MED12L: variants seen among roughly 807,000 people sequenced by gnomAD.
MED12L encodes the protein mediator of RNA polymerase II transcription subunit 12-like protein.
A neutral mutation model predicts 281.3 loss-of-function variants in MED12L; 60 were observed. The ratio of observed to expected loss-of-function variants is 0.21; its 90% CI spans 0.17 to 0.26. MED12L has a LOEUF of 0.26. Among genes scored for constraint, MED12L ranks in the 10% least tolerant of loss-of-function variants. MED12L has a pLI of 1.00. For synonymous variants in MED12L, 974 were observed against 987.2 expected, an observed-to-expected ratio of 0.99 and a Z score of 0.25; for missense variants, 2,146 against 2,680.9, an observed-to-expected ratio of 0.80 and a Z score of 4.41.
Position 151,432,775 on chromosome 3 carries a change from A to G in MED12L, c.6514A>G (p.Thr2172Ala). Residue 2172 changes from threonine (T) to alanine (A), a missense_variant, in exon 45 of 45, where the codon ACT becomes GCT. Physicochemically the swap from Thr to Ala is moderately conservative, Grantham distance 58. Coordinates refer to ENST00000687756, the MANE Select transcript of MED12L (RefSeq NM_001393769.1). ...LSSNQPQQGV[T>A]PYGHPSHF ...AGGCAACCAGCCACAGCAAGGAGTG[A>G]CTCCGTATGGGCATCCTTCACACTT... 6.2e-7 allele frequency: 1 copy of G among 1,613,062 alleles called. No homozygotes were observed. The highest frequency in any genetic ancestry group is 8.5e-7 in the Non-Finnish European group (1 of 1,179,478).
At chr3:151,334,058 C>G (rs2149897496) in intron 16 of MED12L, among the ~76,000 whole-genome samples, 1 of 151,014 alleles carries the variant, frequency 6.6e-6, no homozygotes, top group East Asian at 1.9e-4. Flanking sequence ...GCCTGGGTGA[C>G]AGAACAAGAC....
At chr3:151,163,463 A>G (rs1372233080) in intron 8 of MED12L, among the ~76,000 whole-genome samples, 2 of 152,006 alleles carry the variant, frequency 1.3e-5, no homozygotes, top group Non-Finnish European at 1.5e-5. Flanking sequence ...TTATGAAGCT[A>G]CTATTACATG....
intron 21 of MED12L, among the ~76,000 whole-genome samples, chr3:151,363,641 G>T (rs1178537641): frequency 1.1e-4 from 16 of 152,182 alleles, no homozygotes; most frequent in African/African-American, 3.6e-4. Context: ...TGTCTACACA[G>T]AAAGAGAGTG....
chr3:151,192,245 G>T (rs1312864288), intron 14 of MED12L, among the ~76,000 whole-genome samples: 1 of 152,196 alleles, frequency 6.6e-6, no homozygotes, highest in African/African-American at 2.4e-5. Context: ...AATAAGAAGA[G>T]TTGGTTAAAG....
At chr3:151,271,404 G>A (rs912259579) in intron 16 of MED12L, among the ~76,000 whole-genome samples, 1 of 152,156 alleles carries the variant, frequency 6.6e-6, no homozygotes, top group Non-Finnish European at 1.5e-5. Context: ...TATATTTTTG[G>A]TTATAGTGTA....
At chr3:151,347,343 A>G (rs1752664472) in intron 16 of MED12L, among the ~76,000 whole-genome samples, 1 of 152,212 alleles carries the variant, frequency 6.6e-6, no homozygotes, top group South Asian at 2.1e-4. Flanking sequence ...ATGCTAATTC[A>G]TTGCCTATTA....
chr3:151,328,748 T>C (rs1749995043), intron 16 of MED12L: 3 of 1,613,646 alleles, frequency 1.9e-6, no homozygotes, highest in East Asian at 4.5e-5. Flanking sequence ...CAGGTGTGAG[T>C]CAGAGAGGAT....
Position 151,365,187 on chromosome 3 carries a change from G to A in MED12L, c.3166G>A (p.Gly1056Ser). 1 of 1,613,832 alleles carries A rather than the reference G, an allele frequency of 6.2e-7. No homozygotes were observed. Among genetic ancestry groups the A allele is most frequent in the Non-Finnish European group, 8.5e-7 (1 of 1,179,810 alleles). The change falls in exon 22 of 45, where the codon GGC becomes AGC. Residue 1056 changes from glycine (G) to serine (S), a missense_variant. Coordinates refer to ENST00000687756, the MANE Select transcript of MED12L (RefSeq NM_001393769.1). Reference sequence around the variant, plus strand: ...CAATACACTCATGAATGTATGTATGGGCCATCAGGATGCTGGCAGGTGAGA... The same window carrying A: ...CAATACACTCATGAATGTATGTATGAGCCATCAGGATGCTGGCAGGTGAGA... ...VCNTLMNVCMGHQDAGRINDI... is the reference protein window; with the variant it reads ...VCNTLMNVCMSHQDAGRINDI...
Position 151,387,988 on chromosome 3 carries a change from G to A in MED12L, c.5267G>A (p.Arg1756His), listed in dbSNP as rs375229306. The A allele has an allele frequency of 1.7e-5, 27 of 1,613,942 alleles. No individual in the cohort carries two copies. The highest frequency in any genetic ancestry group is 8.8e-5 in the South Asian group (8 of 91,076). ...CACACACACCCCATGCCCAAGCCCC[G>A]CAGTTACTACCTCCAGCCACTGCCC... ...LYHTHPMPKPRSYYLQPLPLP... is the reference protein window; with the variant it reads ...LYHTHPMPKPHSYYLQPLPLP... Residue 1756 changes from arginine to histidine, a missense_variant, in exon 37 of 45, where the codon CGC becomes CAC. By Grantham distance (29) the Arg-to-His change is conservative. Around this residue, in one of 9 missense-constraint regions of MED12L, gnomAD observed 496 missense variants for 512.0 expected, o/e 0.97. Coordinates refer to ENST00000687756, the MANE Select transcript of MED12L (RefSeq NM_001393769.1).
chr3:151,356,053 C>G lies in MED12L; in HGVS notation c.2661+14C>G, dbSNP rs761288957. On this transcript the variant is annotated intron_variant, in intron 19 of 44. Coordinates refer to ENST00000687756, the MANE Select transcript of MED12L (RefSeq NM_001393769.1). Reference sequence around the variant, plus strand: ...TTCGCAATACAGGTGTCAAAGAGACCATGTTTCTCTTACTTTTAGGAAAGC... The same window carrying G: ...TTCGCAATACAGGTGTCAAAGAGACGATGTTTCTCTTACTTTTAGGAAAGC... 1.3e-5 allele frequency: 20 copies of G among 1,597,600 alleles called. 1 individual carries two copies. Among genetic ancestry groups the G allele is most frequent in the Non-Finnish European group, 1.4e-5 (17 of 1,174,052 alleles).
At chr3:151,409,012 T>A (rs1716660041) in intron 39 of MED12L, among the ~76,000 whole-genome samples, 1 of 152,234 alleles carries the variant, frequency 6.6e-6, no homozygotes, top group African/African-American at 2.4e-5. Flanking sequence ...AGGCTTGTAT[T>A]TATGGCTTTG....
At chr3:151,365,433 G>A (rs1370862945) in intron 22 of MED12L, among the ~76,000 whole-genome samples, 1 of 151,668 alleles carries the variant, frequency 6.6e-6, no homozygotes, top group Non-Finnish European at 1.5e-5. Context: ...TTTTCAATAT[G>A]GCCAACAATT....
At chr3:151,255,780 G>A (rs923350147) in intron 16 of MED12L, among the ~76,000 whole-genome samples, 11 of 152,124 alleles carry the variant, frequency 7.2e-5, no homozygotes, top group Non-Finnish European at 7.4e-5. Context: ...GCTACATAAC[G>A]TGGCATATGG....
intron 16 of MED12L, among the ~76,000 whole-genome samples, chr3:151,283,287 A>G (rs1743049092): frequency 6.6e-6 from 1 of 152,246 alleles, no homozygotes; most frequent in Non-Finnish European, 1.5e-5. Flanking sequence ...GATTTTCTGT[A>G]TTGCTAGCAT....
rs371517558 is a variant in MED12L at position 151,159,883 on chromosome 3, T to A, written c.889T>A (p.Phe297Ile). ...SAYLSRRLAY[F>I]CARRLSLLLS... ...CTACCTGTCTCGTCGTCTTGCCTAC[T>A]TTTGTGCCCGGCGTCTTTCCTTGCT... is the stretch of plus-strand genomic sequence containing the variant. Residue 297 changes from phenylalanine to isoleucine, a missense_variant, in exon 8 of 45, where the codon TTT becomes ATT. Phe to Ile is a conservative substitution (Grantham distance 21). This residue lies in a region of MED12L where 722 missense variants were observed against 861.2 expected (regional missense o/e 0.84). Transcript: ENST00000687756. The A allele has an allele frequency of 6.2e-7, 1 of 1,614,112 alleles. No homozygotes were observed. Among genetic ancestry groups the A allele is most frequent in the Non-Finnish European group, 8.5e-7 (1 of 1,180,030 alleles).
At chr3:151,424,342 C>T (rs1404296835) in intron 43 of MED12L, among the ~76,000 whole-genome samples, 1 of 152,164 alleles carries the variant, frequency 6.6e-6, no homozygotes, top group Non-Finnish European at 1.5e-5. Flanking sequence ...ATGACTCTGC[C>T]GGATGCAATG....
chr3:151,371,962 T>C (rs748647852), intron 26 of MED12L, among the ~76,000 whole-genome samples: 5 of 152,226 alleles, frequency 3.3e-5, no homozygotes, highest in Admixed American at 1.3e-4. Context: ...TAAGGTTTTC[T>C]AATTTGTATG....
At chr3:151,119,057 C>G (rs1713327793) in intron 3 of MED12L, among the ~76,000 whole-genome samples, 3 of 152,122 alleles carry the variant, frequency 2.0e-5, no homozygotes, top group Admixed American at 2.0e-4. Flanking sequence ...TGCACTTTTC[C>G]TTATGGCTAA....
intron 39 of MED12L, among the ~76,000 whole-genome samples, chr3:151,402,022 T>A (rs1384882648): frequency 6.6e-6 from 1 of 152,138 alleles, no homozygotes; most frequent in Non-Finnish European, 1.5e-5. Context: ...AGGAAATGAA[T>A]CACCAATACA....
Sources: gnomAD v4.1 joint callset for allele counts (sites outside exome capture counted in the v4.1 genomes callset) on GRCh38, gnomAD v4.1.1 for gene constraint, gnomAD v4.1.1 regional missense constraint, MANE v1.5 for transcripts, NCBI Gene and HGNC (gene_info 2026-07-23, HGNC 2026-07-21) for gene names.